Variants in TGIF1 observed in about 807,000 individuals in gnomAD.
The protein encoded by TGIF1 is homeobox protein TGIF1.
Under a neutral mutation model 19.3 loss-of-function variants are expected in TGIF1, and 4 were observed. The ratio of observed to expected loss-of-function variants is 0.21; its 90% confidence interval spans 0.10 to 0.47. The LOEUF (loss-of-function observed/expected upper bound fraction) is 0.47, where lower values mean the gene tolerates loss of function less well. Among genes scored for constraint, TGIF1 ranks in the 20% least tolerant of loss-of-function variants. The probability of loss-of-function intolerance (pLI) is 0.98; values close to 1 mark genes in which losing one functional copy is unlikely to be tolerated. For synonymous variants in TGIF1, 122 were observed against 129.3 expected, an observed-to-expected ratio of 0.94 and a Z score of 0.38; for missense variants, 275 against 341.4, an observed-to-expected ratio of 0.81 and a Z score of 1.53.
intron 2 of TGIF1, among the ~76,000 whole-genome samples, chr18:3,430,024 TGG>T (rs1568033870): frequency 2.6e-5 from 4 of 152,054 alleles, no homozygotes; most frequent in Non-Finnish European, 5.9e-5. Flanking sequence ...GGCGTGGTGG[TGG>T]GCACCTGTAA....
At chr18:3,437,022 C>T (rs920379317) in intron 2 of TGIF1, among the ~76,000 whole-genome samples, 1 of 151,812 alleles carries the variant, frequency 6.6e-6, no homozygotes, top group Non-Finnish European at 1.5e-5. Flanking sequence ...CGAGAATGGC[C>T]TGACCCCAGG....
intron 2 of TGIF1, among the ~76,000 whole-genome samples, chr18:3,435,133 A>T (rs986487353): frequency 2.6e-5 from 4 of 152,140 alleles, no homozygotes; most frequent in African/African-American, 4.8e-5. Context: ...CCAAGTGAAA[A>T]ACTCATTTCC....
upstream of TGIF1, chr18:3,448,075 G>A (rs182953695): frequency 3.8e-3 from 3,738 of 978,884 alleles, 11 homozygotes; most frequent in Non-Finnish European, 4.3e-3. Context: ...AAAGCGGGCG[G>A]GGGGGGAGGT....
upstream of TGIF1, chr18:3,449,552 C>T (rs1328279936): frequency 3.0e-6 from 3 of 984,048 alleles, no homozygotes; most frequent in Middle Eastern, 5.2e-4. Context: ...CCCCGCCCCA[C>T]CCCCGCCGAC....
chr18:3,452,361 C>T (rs1252652158), intron 1 of TGIF1: 1 of 1,613,286 alleles, frequency 6.2e-7, no homozygotes, highest in Admixed American at 1.7e-5. Flanking sequence ...TCCTCGGCGC[C>T]GACTCCTGGA....
At chr18:3,412,999 C>A (rs1290591170) in intron 1 of TGIF1, 9 of 152,206 alleles carry the variant, frequency 5.9e-5, no homozygotes, top group African/African-American at 1.9e-4. Flanking sequence ...GCCTGGGCGA[C>A]AAAACGAGGC....
In TGIF1 at chr18:3,443,103, C is replaced by T. The variant is rs145425267; in HGVS notation, c.-44-13251C>T. On this transcript the variant is annotated intron_variant, in intron 2 of 3. Coordinates refer to the TGIF1 transcript ENST00000401449. ...CCCAAAAGATCTGCATACAAACTAA[C>T]ATTCTGTTGGGCCCAGCCGGTTCAT... 4.2e-3 allele frequency among the ~76,000 whole-genome samples: 643 copies of T among 152,312 alleles called. 2 individuals carry two copies. Among genetic ancestry groups the T allele is most frequent in the African/African-American group, 0.015 (626 of 41,554 alleles).
chr18:3,429,344 C>T (rs2082517106), intron 2 of TGIF1, among the ~76,000 whole-genome samples: 1 of 152,048 alleles, frequency 6.6e-6, no homozygotes, highest in Admixed American at 6.6e-5. Flanking sequence ...CCACCATGCT[C>T]AGCCTGTGGA....
At chr18:3,419,698 G>A (rs371242353) in intron 2 of TGIF1, among the ~76,000 whole-genome samples, 1 of 152,210 alleles carries the variant, frequency 6.6e-6, no homozygotes, top group African/African-American at 2.4e-5. Flanking sequence ...ATAAAAATTA[G>A]TCTCCAACTC....
At position 3,451,184 on chromosome 18, in the gene TGIF1, C is replaced by T. The variant is rs1295123536; in HGVS notation, c.16+679C>T. 6.6e-6 allele frequency among the ~76,000 whole-genome samples: 1 copy of T among 152,164 alleles called. No homozygotes were observed. Among genetic ancestry groups the T allele is most frequent in the Non-Finnish European group, 1.5e-5 (1 of 68,038 alleles). ...CAGGAGGAAGAGTTAGCACCCAGGG[C>T]CAGCAGCTTCAAGCGGCATGCAGTC... On this transcript the variant is annotated intron_variant, in intron 1 of 2. Transcript: ENST00000343820. The surrounding 1 kb of genome is among the most constrained non-coding windows in gnomAD (Gnocchi z 5.4).
At chr18:3,430,280 T>C (rs1290692763) in intron 2 of TGIF1, among the ~76,000 whole-genome samples, 2 of 152,240 alleles carry the variant, frequency 1.3e-5, no homozygotes, top group South Asian at 2.1e-4. Context: ...GAATCAGATA[T>C]GAGAATCCAA....
chr18:3,424,119 G>A (rs2082440434), intron 2 of TGIF1, among the ~76,000 whole-genome samples: 1 of 152,138 alleles, frequency 6.6e-6, no homozygotes, highest in South Asian at 2.1e-4. Flanking sequence ...AACTCAAGCT[G>A]CGACCTAATT....
chr18:3,448,451 C>A (rs1406701133), upstream of TGIF1: 9 of 991,820 alleles, frequency 9.1e-6, no homozygotes, highest in Non-Finnish European at 9.6e-6. Flanking sequence ...CAGCCAGGTC[C>A]GGGAAGGAAC....
At chr18:3,448,715 G>GTA, upstream of TGIF1, 3 of 431,872 alleles carry the variant, frequency 6.9e-6, no homozygotes, top group Non-Finnish European at 2.8e-6. Context: ...GGGCGGGGGT[G>GTA]TCTTTTTTTT....
At chr18:3,422,361 G>A (rs1250878755) in intron 2 of TGIF1, among the ~76,000 whole-genome samples, 2 of 142,230 alleles carry the variant, frequency 1.4e-5, no homozygotes, top group African/African-American at 2.6e-5. Context: ...CATGAAGAAC[G>A]AATACATTTT....
chr18:3,436,692 T>C (rs1456821338), intron 2 of TGIF1, among the ~76,000 whole-genome samples: 1 of 151,554 alleles, frequency 6.6e-6, no homozygotes, highest in Non-Finnish European at 1.5e-5. Context: ...GGTGTCGCAC[T>C]CCTGTAGTCC....
intron 2 of TGIF1, among the ~76,000 whole-genome samples, chr18:3,429,943 T>G (rs1416052515): frequency 6.6e-6 from 1 of 152,178 alleles, no homozygotes; most frequent in Non-Finnish European, 1.5e-5. Context: ...TCACCTGCGG[T>G]CAGGAGTTGG....
intron 2 of TGIF1, among the ~76,000 whole-genome samples, chr18:3,421,801 G>T (rs1487846594): frequency 3.3e-5 from 5 of 152,022 alleles, no homozygotes; most frequent in African/African-American, 7.2e-5. Flanking sequence ...GGTCCTTCAG[G>T]AGGTATTGCA....
intron 2 of TGIF1, among the ~76,000 whole-genome samples, chr18:3,428,703 C>A (rs1401925332): frequency 2.0e-5 from 3 of 151,836 alleles, no homozygotes; most frequent in Non-Finnish European, 2.9e-5. Flanking sequence ...CACCACTGCA[C>A]TCCAGTTTGG....
Sources: gnomAD v4.1 joint callset for allele counts (sites outside exome capture counted in the v4.1 genomes callset) on GRCh38, gnomAD v4.1.1 for gene constraint, Gnocchi (gnomAD v3.1) non-coding constraint, MANE v1.5 for transcripts, NCBI Gene and HGNC (gene_info 2026-07-23, HGNC 2026-07-21) for gene names.